Variants in IGF1R observed in about 807,000 individuals in gnomAD.
IGF1R encodes insulin-like growth factor 1 receptor.
A neutral mutation model predicts 144.6 loss-of-function variants in IGF1R; 44 were observed. The observed-to-expected ratio is 0.30, with a 90% confidence interval of 0.24 to 0.39. The LOEUF (loss-of-function observed/expected upper bound fraction) is 0.39. Ranked by LOEUF, IGF1R falls within the 10% of genes least tolerant of loss-of-function variation. IGF1R has a pLI of 1.00. For synonymous variants in IGF1R, 795 were observed against 722.8 expected (o/e 1.10, Z -1.60); for missense variants, 1,355 against 1,833.7 (o/e 0.74, Z 4.77).
intron 5 of IGF1R, among the ~76,000 whole-genome samples, chr15:98,906,558 C>T (rs1044210966): frequency 6.6e-6 from 1 of 152,210 alleles, no homozygotes; most frequent in African/African-American, 2.4e-5. Flanking sequence ...CACCTGCAGC[C>T]TGGTAGTGAG....
In IGF1R at chr15:98,656,543, C is replaced by T. The variant is rs145340791; in HGVS notation, c.94+6868C>T. Among the ~76,000 whole-genome samples the T allele has an allele frequency of 5.2e-3, 794 of 152,178 alleles. 6 individuals carry two copies. The highest frequency in any genetic ancestry group is 0.018 in the African/African-American group (761 of 41,554). ...CAGCCTGGGTGACAGAGCGAGACTC[C>T]ATCACACACACAAAATACATATATA... On this transcript the variant is annotated intron_variant, in intron 1 of 20. Coordinates refer to ENST00000650285, the MANE Select transcript of IGF1R (RefSeq NM_000875.5).
chr15:98,827,179 A>G (rs902102225), intron 2 of IGF1R, among the ~76,000 whole-genome samples: 5 of 152,184 alleles, frequency 3.3e-5, no homozygotes, highest in Admixed American at 6.5e-5. Context: ...AAACATGACA[A>G]TGAAGTCTCA....
intron 1 of IGF1R, chr15:98,650,908 T>A: frequency 1.0e-6 from 1 of 984,814 alleles, no homozygotes; most frequent in Non-Finnish European, 1.2e-6. Context: ...AGCGCGGGGA[T>A]GCGGGGAGCG....
At chr15:98,699,053 C>T (rs183419740) in intron 1 of IGF1R, among the ~76,000 whole-genome samples, 1 of 152,312 alleles carries the variant, frequency 6.6e-6, no homozygotes, top group East Asian at 1.9e-4. Context: ...TTATTTAGGA[C>T]ATTTGCCTGG....
intron 1 of IGF1R, among the ~76,000 whole-genome samples, chr15:98,658,498 T>C (rs918474226): frequency 6.6e-6 from 1 of 152,150 alleles, no homozygotes; most frequent in African/African-American, 2.4e-5. Flanking sequence ...TCAGAAAAAT[T>C]GTGAGGAAAT....
At chr15:98,708,394 C>G (rs2053917469) in intron 2 of IGF1R, among the ~76,000 whole-genome samples, 1 of 152,196 alleles carries the variant, frequency 6.6e-6, no homozygotes, top group African/African-American at 2.4e-5. Context: ...CAGCACACTC[C>G]TGGGCTAGAC....
chr15:98,933,285 C>A (rs1203880178), intron 15 of IGF1R, among the ~76,000 whole-genome samples: 1 of 152,184 alleles, frequency 6.6e-6, no homozygotes, highest in Non-Finnish European at 1.5e-5. Flanking sequence ...TTCTTTCCAA[C>A]CTTTTTCCTT....
intron 7 of IGF1R, among the ~76,000 whole-genome samples, chr15:98,911,794 T>C (rs1404413528): frequency 6.6e-6 from 1 of 152,150 alleles, no homozygotes; most frequent in African/African-American, 2.4e-5. Flanking sequence ...CACTGAAATA[T>C]CGTTTCAGCC....
At chr15:98,925,253 GA>G (rs1267248132) in intron 13 of IGF1R, among the ~76,000 whole-genome samples, 1 of 152,192 alleles carries the variant, frequency 6.6e-6, no homozygotes, top group East Asian at 1.9e-4. Flanking sequence ...TACAGAGACT[GA>G]GGAATGTGAG....
chr15:98,675,812 TTCTTTC>T (rs1302520986), intron 1 of IGF1R, among the ~76,000 whole-genome samples: 335 of 19,402 alleles, frequency 0.017, 6 homozygotes, highest in Non-Finnish European at 0.049. Context: ...TTTCTTTTTT[TTCTTTC>T]TTTCTTTCTT....
At chr15:98,808,659 G>A (rs2056517686) in intron 2 of IGF1R, among the ~76,000 whole-genome samples, 1 of 145,840 alleles carries the variant, frequency 6.9e-6, no homozygotes, top group Non-Finnish European at 1.5e-5. Context: ...CTCTAGGGCA[G>A]GTATGTTCTT....
intron 2 of IGF1R, among the ~76,000 whole-genome samples, chr15:98,888,861 C>G (rs2013771722): frequency 1.3e-5 from 2 of 152,198 alleles, no homozygotes; most frequent in African/African-American, 4.8e-5. Context: ...AGCCTAGCGG[C>G]CCCACTCTCA....
chr15:98,677,217 G>A (rs969504437), intron 1 of IGF1R, among the ~76,000 whole-genome samples: 5 of 152,098 alleles, frequency 3.3e-5, no homozygotes, highest in African/African-American at 9.7e-5. Context: ...CATTGCAGGC[G>A]TGAGCCACCA....
chr15:98,674,977 A>ATTTTTTTT lies in IGF1R; in HGVS notation c.94+25319_94+25326dup, dbSNP rs71149408. Reference sequence around the variant, plus strand: ...AAATGCTAAATTTAGGTATTTTACAATTTTTTTTTTTTTTTTTTTTTTTTG... The same window carrying ATTTTTTTT: ...AAATGCTAAATTTAGGTATTTTACAATTTTTTTTTTTTTTTTTTTTTTTTTTTTTTTTG... On this transcript the variant is annotated intron_variant, in intron 1 of 20. Transcript: ENST00000650285. Among the ~76,000 whole-genome samples the ATTTTTTTT allele has an allele frequency of 2.5e-3, 245 of 98,896 alleles. 6 individuals are homozygous for ATTTTTTTT. Among genetic ancestry groups the ATTTTTTTT allele is most frequent in the African/African-American group, 9.8e-3 (235 of 23,972 alleles). The allele number at this position is 98,896 out of a possible 152,430, so 64.9% of individuals were successfully genotyped here. A position where few individuals can be genotyped will look rare whatever the true frequency, so the allele number is the denominator to read the frequency against.
chr15:98,728,721 C>T (rs2054425547), intron 2 of IGF1R, among the ~76,000 whole-genome samples: 3 of 152,260 alleles, frequency 2.0e-5, no homozygotes, highest in Non-Finnish European at 4.4e-5. Context: ...ATTCTGCACT[C>T]TCCCGAGGCC....
intron 2 of IGF1R, among the ~76,000 whole-genome samples, chr15:98,746,580 C>G (rs1395578914): frequency 6.6e-6 from 1 of 151,476 alleles, no homozygotes; most frequent in Non-Finnish European, 1.5e-5. Flanking sequence ...CTTCTAAAAT[C>G]ATCTACACCA....
At chr15:98,888,438 A>AGAGTGTGTGTGTGTGTGTGT (rs1555457179) in intron 2 of IGF1R, among the ~76,000 whole-genome samples, 1 of 143,354 alleles carries the variant, frequency 7.0e-6, no homozygotes, top group African/African-American at 2.6e-5. Flanking sequence ...AGAGAGAGAG[A>AGAGTGTGTGTGTGTGTGTGT]GTGTGTGTGT....
At chr15:98,783,455 A>G (rs1368679008) in intron 2 of IGF1R, among the ~76,000 whole-genome samples, 1 of 152,204 alleles carries the variant, frequency 6.6e-6, no homozygotes, top group African/African-American at 2.4e-5. Context: ...TTCCTTATAG[A>G]TTCATTCAGG....
intron 2 of IGF1R, among the ~76,000 whole-genome samples, chr15:98,741,111 T>TAATAA (rs2054729405): frequency 6.6e-6 from 1 of 152,214 alleles, no homozygotes; most frequent in East Asian, 1.9e-4. Flanking sequence ...AAACTTTGTC[T>TAATAA]TTTAGAATGA....
Sources: gnomAD v4.1 joint callset for allele counts (sites outside exome capture counted in the v4.1 genomes callset) on GRCh38, gnomAD v4.1.1 for gene constraint, MANE v1.5 for transcripts, NCBI Gene and HGNC (gene_info 2026-07-23, HGNC 2026-07-21) for gene names.